The following ATP8A1 variants were observed in gnomAD, a reference collection of about 807,000 sequenced individuals.
The protein encoded by ATP8A1 is phospholipid-transporting ATPase IA.
Under a neutral mutation model 177.7 loss-of-function variants are expected in ATP8A1, and 90 were observed. The ratio of observed to expected loss-of-function variants is 0.51; its 90% CI spans 0.43 to 0.60. The LOEUF (loss-of-function observed/expected upper bound fraction) is 0.60, where lower values mean the gene tolerates loss of function less well. Among genes scored for constraint, ATP8A1 ranks in the 20% least tolerant of loss-of-function variants. ATP8A1 has a pLI of 0.00. For missense variants in ATP8A1, 1,072 were observed against 1,392.8 expected (o/e 0.77, Z 3.67); for synonymous variants, 493 against 485.9 (o/e 1.01, Z -0.19).
chr4:42,495,801 A>G (rs555688986), intron 24 of ATP8A1, among the ~76,000 whole-genome samples: 1 of 152,334 alleles, frequency 6.6e-6, no homozygotes, highest in Non-Finnish European at 1.5e-5. Flanking sequence ...GAGGTCCTCC[A>G]AACAGCTTAG....
At chr4:42,597,161 T>C (rs1481660258) in intron 6 of ATP8A1, among the ~76,000 whole-genome samples, 1 of 152,160 alleles carries the variant, frequency 6.6e-6, no homozygotes, top group Admixed American at 6.5e-5. Context: ...GCAACCACAG[T>C]AGCCACACAT....
chr4:42,491,911 C>A (rs546056776), intron 24 of ATP8A1, among the ~76,000 whole-genome samples: 1 of 152,150 alleles, frequency 6.6e-6, no homozygotes, highest in Non-Finnish European at 1.5e-5. Context: ...AAAAGCATAG[C>A]CTCTAGAATT....
chr4:42,536,879 C>T (rs576329727), intron 20 of ATP8A1, among the ~76,000 whole-genome samples: 5 of 152,198 alleles, frequency 3.3e-5, no homozygotes, highest in Middle Eastern at 3.4e-3. Context: ...GTAATCCCAG[C>T]CAGCACTTTG....
chr4:42,507,677 C>G (rs943065789), intron 22 of ATP8A1, among the ~76,000 whole-genome samples: 6 of 127,258 alleles, frequency 4.7e-5, no homozygotes, highest in Admixed American at 9.7e-5. Flanking sequence ...TGCAGGTGAG[C>G]TGAGATCGTG....
chr4:42,550,830 C>CCACTTTAAAACTTTTT (rs1729432567), intron 18 of ATP8A1, among the ~76,000 whole-genome samples: 4 of 152,078 alleles, frequency 2.6e-5, no homozygotes, highest in Admixed American at 1.3e-4. Flanking sequence ...GAAATGTTGG[C>CCACTTTAAAACTTTTT]TCAAGTCTTT....
At chr4:42,485,108 T>C (rs536525971) in intron 25 of ATP8A1, among the ~76,000 whole-genome samples, 182 of 152,240 alleles carry the variant, frequency 1.2e-3, no homozygotes, top group African/African-American at 4.2e-3. Context: ...TGCCCAGCTA[T>C]TTGGAAAATG....
intron 35 of ATP8A1, among the ~76,000 whole-genome samples, chr4:42,422,336 C>T (rs536132056): frequency 2.0e-5 from 3 of 152,178 alleles, no homozygotes; most frequent in Admixed American, 6.5e-5. Context: ...GTTATCTGCC[C>T]GCCTCGGCCT....
At chr4:42,578,434 T>C (rs899209105) in intron 11 of ATP8A1, 47 bp from the exon 12 acceptor site, 5 of 1,592,798 alleles carry the variant, frequency 3.1e-6, no homozygotes, top group Non-Finnish European at 4.3e-6. Context: ...TTATATTTTA[T>C]TTGCATTGAC....
chr4:42,480,741 C>T (rs1052745020), intron 25 of ATP8A1, among the ~76,000 whole-genome samples: 1 of 152,136 alleles, frequency 6.6e-6, no homozygotes, highest in Non-Finnish European at 1.5e-5. Context: ...AAGGTTTTGC[C>T]TGGAATGCCA....
chr4:42,533,627 C>CT (rs1171190058), intron 20 of ATP8A1, among the ~76,000 whole-genome samples: 1 of 152,146 alleles, frequency 6.6e-6, no homozygotes, highest in East Asian at 1.9e-4. Context: ...CACCTACTGC[C>CT]TGACCCTAGG....
rs140011947 is a variant in ATP8A1 at position 42,615,699 on chromosome 4, A to G, written c.409+334T>C. Among the ~76,000 whole-genome samples the G allele has an allele frequency of 7.9e-5, 12 of 152,356 alleles. No homozygotes were observed. The East Asian group carries it at 1.5e-3, about 20-fold the overall frequency. The stretch of plus-strand genomic sequence containing the variant: ...TGATTATTTTCTATACATCTTTTCT[A>G]GAATAACATCTGTAGATTACAAACA... On this transcript the variant is annotated intron_variant, in intron 5 of 36. Coordinates refer to ENST00000381668, the MANE Select transcript of ATP8A1 (RefSeq NM_006095.2).
In ATP8A1 at chr4:42,485,599, C is replaced by T. The variant is rs1285028831; in HGVS notation, c.2221G>A (p.Ala741Thr). 2 of 1,613,392 alleles carry T rather than the reference C, an allele frequency of 1.2e-6. No individual in the cohort carries two copies. The highest frequency in any genetic ancestry group is 2.7e-5 in the African/African-American group (2 of 74,856). ...GDALRKENDF[A>T]LIIDGKTLKY... ...AGGGTTTTCCCATCAATTATAAGAG[C>T]AAAATCATTCTCTTTCCGGAGAGCA... The change falls in exon 25 of 37, where the codon GCT (alanine) becomes ACT (threonine). Residue 741 changes from alanine (A) to threonine (T), a missense_variant. Around this residue, in one of 5 missense-constraint regions of ATP8A1, gnomAD observed 388 missense variants for 471.7 expected, o/e 0.82. Coordinates refer to ENST00000381668, the MANE Select transcript of ATP8A1 (RefSeq NM_006095.2).
intron 25 of ATP8A1, among the ~76,000 whole-genome samples, chr4:42,465,348 T>C (rs140279639): frequency 6.6e-6 from 1 of 152,368 alleles, no homozygotes; most frequent in East Asian, 1.9e-4. Flanking sequence ...CCTGCCAGAA[T>C]GCCTTTACTT....
chr4:42,430,320 T>C (rs893633741), intron 33 of ATP8A1, among the ~76,000 whole-genome samples: 3 of 152,044 alleles, frequency 2.0e-5, no homozygotes, highest in Admixed American at 6.5e-5. Flanking sequence ...GTACATACTA[T>C]TCTTAACAGA....
intron 6 of ATP8A1, among the ~76,000 whole-genome samples, chr4:42,594,987 TAAAGAG>T (rs1286119339): frequency 6.6e-6 from 1 of 152,146 alleles, no homozygotes; most frequent in Non-Finnish European, 1.5e-5. Flanking sequence ...GGCATAAAGA[TAAAGAG>T]ATACTATTTT....
chr4:42,418,225 G>A (rs1379913277), intron 35 of ATP8A1, among the ~76,000 whole-genome samples: 1 of 152,032 alleles, frequency 6.6e-6, no homozygotes, highest in African/African-American at 2.4e-5. Context: ...ATGGCCAAAC[G>A]GTAGTGCCAG....
At chr4:42,428,059 T>C (rs542760518) in intron 33 of ATP8A1, among the ~76,000 whole-genome samples, 3 of 152,240 alleles carry the variant, frequency 2.0e-5, no homozygotes, top group Non-Finnish European at 4.4e-5. Context: ...GCTGTGAAGA[T>C]GCTGTTCACA....
chr4:42,573,262 T>C (rs138080242), intron 14 of ATP8A1, among the ~76,000 whole-genome samples: 1 of 152,342 alleles, frequency 6.6e-6, no homozygotes, highest in Non-Finnish European at 1.5e-5. Flanking sequence ...AAATACTAGT[T>C]ATGAATGAAT....
chr4:42,410,951 T>G lies in ATP8A1; in HGVS notation c.*1965A>C, dbSNP rs1712529111. ...GTGCATTTCACTCTTGCTTTCTTAT[T>G]TTTTGTGGTTTGACCTCAGCTATCA... On this transcript the variant is annotated 3_prime_UTR_variant, in exon 37 of 37. Transcript: ENST00000381668. 6.6e-6 allele frequency: 1 copy of G among 152,152 alleles called. No homozygotes were observed. Among genetic ancestry groups the G allele is most frequent in the South Asian group, 2.1e-4 (1 of 4,812 alleles). The allele number at this position is 152,152 out of a possible 1,614,324, so 9.4% of individuals were successfully genotyped here.
Sources: gnomAD v4.1 joint callset for allele counts (sites outside exome capture counted in the v4.1 genomes callset) on GRCh38, gnomAD v4.1.1 for gene constraint, gnomAD v4.1.1 regional missense constraint, MANE v1.5 for transcripts, NCBI Gene and HGNC (gene_info 2026-07-23, HGNC 2026-07-21) for gene names.